The following EHF variants were observed in gnomAD, a reference collection of about 807,000 sequenced individuals.
EHF encodes ESE3 transcription factor.
Under a neutral mutation model 45.1 loss-of-function variants are expected in EHF, and 14 were observed. The observed-to-expected ratio is 0.31, with a 90% CI of 0.21 to 0.49. EHF has a LOEUF of 0.49. Among genes scored for constraint, EHF ranks in the 20% least tolerant of loss-of-function variants. EHF has a pLI of 0.99. For missense variants in EHF, 282 were observed against 371.4 expected, an observed-to-expected ratio of 0.76 and a Z score of 1.98; for synonymous variants, 136 against 131.8, an observed-to-expected ratio of 1.03 and a Z score of -0.22.
rs779875988 is a variant in EHF, at chr11:34,651,808, A to T, written c.544+3A>T. The T allele has an allele frequency of 1.9e-6, 3 of 1,613,518 alleles. No homozygotes were observed. Among genetic ancestry groups the T allele is most frequent in the Non-Finnish European group, 8.5e-7 (1 of 1,179,774 alleles). On this transcript the variant is annotated splice_donor_region_variant and intron_variant, in intron 6 of 8. Transcript: ENST00000257831. ...AACCACCAGTCACCTTCCTGTTGGT[A>T]AGCTGTCATCACATCTGAGGCTGGG...
intron 6 of EHF, among the ~76,000 whole-genome samples, chr11:34,656,258 C>T (rs1855662649): frequency 6.6e-6 from 1 of 152,144 alleles, no homozygotes; most frequent in Non-Finnish European, 1.5e-5. Flanking sequence ...CTGTGGCCCT[C>T]TGTATTGAGC....
intron 1 of EHF, 49 bp from the exon 2 acceptor site, chr11:34,642,579 C>T (rs1160897886): frequency 1.7e-6 from 2 of 1,174,694 alleles, no homozygotes; most frequent in East Asian, 2.3e-5. Flanking sequence ...TTTCCAATGA[C>T]ATTTGTCCAA....
intron 1 of EHF, among the ~76,000 whole-genome samples, chr11:34,635,683 C>T (rs2134043363): frequency 6.7e-6 from 1 of 149,576 alleles, no homozygotes; most frequent in Admixed American, 6.7e-5. Flanking sequence ...GCGTTTTAGA[C>T]ATGCTGCTCT....
At chr11:34,648,985 G>A in intron 3 of EHF, 34 bp from the exon 4 acceptor site, 4 of 1,602,296 alleles carry the variant, frequency 2.5e-6, no homozygotes, top group African/African-American at 1.3e-5. Flanking sequence ...CTCCATCTGG[G>A]CCCTCTCTGA....
At chr11:34,656,672 T>C (rs1304168663) in intron 6 of EHF, among the ~76,000 whole-genome samples, 1 of 152,168 alleles carries the variant, frequency 6.6e-6, no homozygotes. Flanking sequence ...TATGACCACC[T>C]TGTATCAAAT....
Position 34,647,414 on chromosome 11 carries a change from C to T in EHF, c.343+730C>T, listed in dbSNP as rs945346597. 9.2e-5 allele frequency among the ~76,000 whole-genome samples: 14 copies of T among 152,262 alleles called. No homozygotes were observed. In the East Asian group the frequency reaches 2.3e-3, roughly 25 times the overall value. On this transcript the variant is annotated intron_variant, in intron 3 of 8. Transcript: ENST00000257831. The stretch of plus-strand genomic sequence containing the variant: ...CTTTGAGTGGTAGATTATTCATACA[C>T]GAACATATCCTATACTGACATGTAA...
At chr11:34,643,025 A>G (rs1373416144) in intron 2 of EHF, among the ~76,000 whole-genome samples, 1 of 151,598 alleles carries the variant, frequency 6.6e-6, no homozygotes, top group African/African-American at 2.4e-5. Flanking sequence ...AGCTTTTAAT[A>G]GTGTTTTGCT....
At chr11:34,648,346 AATATAT>A (rs34971776) in intron 3 of EHF, among the ~76,000 whole-genome samples, 8 of 147,700 alleles carry the variant, frequency 5.4e-5, no homozygotes, top group African/African-American at 1.5e-4. Flanking sequence ...TGCATTTACA[AATATAT>A]ATATATATAT....
chr11:34,626,068 A>G (rs1475949639), intron 1 of EHF, among the ~76,000 whole-genome samples: 1 of 152,358 alleles, frequency 6.6e-6, no homozygotes, highest in South Asian at 2.1e-4. Context: ...TCATTTTACC[A>G]TAACAACTTA....
chr11:34,647,049 AAAAAAAC>A (rs920214722), intron 3 of EHF, among the ~76,000 whole-genome samples: 6 of 151,282 alleles, frequency 4.0e-5, no homozygotes, highest in Non-Finnish European at 5.9e-5. Context: ...GGTTACAAAA[AAAAAAAC>A]AAAAAACAAA....
chr11:34,657,408 A>G (rs991725751), intron 7 of EHF, among the ~76,000 whole-genome samples: 4 of 152,178 alleles, frequency 2.6e-5, no homozygotes, highest in African/African-American at 9.7e-5. Context: ...TTAAGATTCA[A>G]CACTGCTCTT....
chr11:34,654,686 C>T (rs1359384646), intron 6 of EHF, among the ~76,000 whole-genome samples: 1 of 152,032 alleles, frequency 6.6e-6, no homozygotes, highest in Non-Finnish European at 1.5e-5. Flanking sequence ...GCCACAGCCC[C>T]CTGAAATTGT....
intron 1 of EHF, among the ~76,000 whole-genome samples, chr11:34,630,920 C>T (rs183485098): frequency 1.3e-5 from 2 of 152,220 alleles, no homozygotes; most frequent in African/African-American, 4.8e-5. Context: ...AGTAATGAAC[C>T]CCCAACGGCC....
At chr11:34,623,041 T>C (rs1366989741) in intron 1 of EHF, among the ~76,000 whole-genome samples, 1 of 152,154 alleles carries the variant, frequency 6.6e-6, no homozygotes, top group Non-Finnish European at 1.5e-5. Context: ...TTCAATTGTA[T>C]TTGTTATTTT....
chr11:34,658,603 A>C lies in EHF; in HGVS notation c.678A>C (p.Leu226Phe). The C allele has an allele frequency of 6.2e-7, 1 of 1,613,726 alleles. No individual in the cohort carries two copies. Among genetic ancestry groups the C allele is most frequent in the Non-Finnish European group, 8.5e-7 (1 of 1,179,732 alleles). Residue 226 changes from leucine (L) to phenylalanine (F), a missense_variant, in exon 8 of 9, where the codon TTA becomes TTC. Physicochemically the swap from Leu to Phe is conservative, Grantham distance 22. This residue lies in a region of EHF where 41 missense variants were observed against 87.0 expected (regional missense o/e 0.47). Coordinates refer to ENST00000257831, the MANE Select transcript of EHF (RefSeq NM_012153.6). ...ILLNPDKNPG[L>F]IKWEDRSEGV... ...TGAACCCAGACAAGAACCCAGGATT[A>C]ATAAAATGGGAAGACCGATCTGAGG... is the stretch of plus-strand genomic sequence containing the variant.
At chr11:34,626,086 C>G (rs1485089669) in intron 1 of EHF, among the ~76,000 whole-genome samples, 1 of 152,176 alleles carries the variant, frequency 6.6e-6, no homozygotes, top group Non-Finnish European at 1.5e-5. Flanking sequence ...TTATTTTTAT[C>G]TTTGTATGAC....
intron 2 of EHF, among the ~76,000 whole-genome samples, chr11:34,644,481 C>A (rs2134121090): frequency 6.6e-6 from 1 of 152,344 alleles, no homozygotes; most frequent in African/African-American, 2.4e-5. Flanking sequence ...CTCTTTAGAG[C>A]CCACGTTGTG....
chr11:34,634,227 C>T (rs190296394), intron 1 of EHF, among the ~76,000 whole-genome samples: 8 of 151,998 alleles, frequency 5.3e-5, no homozygotes, highest in South Asian at 2.1e-4. Flanking sequence ...TCCTTTGAAA[C>T]GACAGTCATA....
intron 3 of EHF, among the ~76,000 whole-genome samples, chr11:34,647,296 T>G (rs77728193): frequency 0.025 from 3,870 of 152,252 alleles, 150 homozygotes; most frequent in African/African-American, 0.089. Context: ...AATGTTTCTG[T>G]GGTGGTTTCT....
Sources: gnomAD v4.1 joint callset for allele counts (sites outside exome capture counted in the v4.1 genomes callset) on GRCh38, gnomAD v4.1.1 for gene constraint, gnomAD v4.1.1 regional missense constraint, MANE v1.5 for transcripts, NCBI Gene and HGNC (gene_info 2026-07-23, HGNC 2026-07-21) for gene names.